Variants in CTNNA3 observed in about 807,000 individuals in gnomAD.
The protein encoded by CTNNA3 is catenin alpha 3, also known as catenin alpha-3.
Under a neutral mutation model 95.7 loss-of-function variants are expected in CTNNA3, and 76 were observed. The ratio of observed to expected loss-of-function variants is 0.79; its 90% CI spans 0.66 to 0.96. The LOEUF is 0.96. Ranked by LOEUF, CTNNA3 falls within the 40% of genes least tolerant of loss-of-function variation. The pLI, the probability that CTNNA3 is intolerant of heterozygous loss-of-function variation, is 0.00. For synonymous variants in CTNNA3, 431 were observed against 374.4 expected (o/e 1.15, Z -1.74); for missense variants, 1,191 against 1,089.8 (o/e 1.09, Z -1.31).
chr10:67,038,441 T>C (rs1001025219), intron 7 of CTNNA3, among the ~76,000 whole-genome samples: 1 of 152,068 alleles, frequency 6.6e-6, no homozygotes, highest in Non-Finnish European at 1.5e-5. Context: ...TGAAAATATA[T>C]GTCCATTAAT....
intron 13 of CTNNA3, among the ~76,000 whole-genome samples, chr10:66,243,198 C>T (rs139811964): frequency 4.3e-4 from 65 of 152,270 alleles, no homozygotes; most frequent in African/African-American, 1.5e-3. Flanking sequence ...ATACCAGGCC[C>T]TGTAAGAAAT....
At chr10:66,163,669 T>C (rs922394872) in intron 13 of CTNNA3, among the ~76,000 whole-genome samples, 1 of 152,190 alleles carries the variant, frequency 6.6e-6, no homozygotes, top group Non-Finnish European at 1.5e-5. Flanking sequence ...CTTCTGGGTT[T>C]CAGTTATATT....
At chr10:66,853,732 C>T (rs1843582544) in intron 7 of CTNNA3, among the ~76,000 whole-genome samples, 1 of 151,820 alleles carries the variant, frequency 6.6e-6, no homozygotes, top group African/African-American at 2.4e-5. Context: ...AAAATTCTGC[C>T]GAACCACCAA....
intron 12 of CTNNA3, among the ~76,000 whole-genome samples, chr10:66,294,095 AT>A: frequency 6.6e-6 from 1 of 152,328 alleles, no homozygotes; most frequent in South Asian, 2.1e-4. Flanking sequence ...GTTAACGAGA[AT>A]CTTTGGAATA....
intron 13 of CTNNA3, 130 bp downstream of exon 13, chr10:66,280,340 C>G: frequency 2.6e-6 from 2 of 782,628 alleles, no homozygotes; most frequent in Non-Finnish European, 4.0e-6. Flanking sequence ...TACATATGAA[C>G]TTCTAAAGTT....
At chr10:66,245,991 G>A (rs1228198732) in intron 13 of CTNNA3, among the ~76,000 whole-genome samples, 1 of 152,202 alleles carries the variant, frequency 6.6e-6, no homozygotes, top group African/African-American at 2.4e-5. Flanking sequence ...CCCAGAAAAG[G>A]CACCACAAGT....
intron 13 of CTNNA3, among the ~76,000 whole-genome samples, chr10:66,218,530 G>A (rs1487373488): frequency 6.6e-6 from 1 of 152,190 alleles, no homozygotes; most frequent in Non-Finnish European, 1.5e-5. Flanking sequence ...ACTTGAAAGT[G>A]AATCGTTCAG....
At chr10:67,515,137 AT>A (rs201365465) in intron 5 of CTNNA3, among the ~76,000 whole-genome samples, 450 of 152,368 alleles carry the variant, frequency 3.0e-3, no homozygotes, top group African/African-American at 1.0e-2. Flanking sequence ...CATTTTCATC[AT>A]TCATTTTAAA....
chr10:66,704,259 T>C (rs1038151685), intron 9 of CTNNA3, among the ~76,000 whole-genome samples: 1 of 152,170 alleles, frequency 6.6e-6, no homozygotes, highest in African/African-American at 2.4e-5. Context: ...TACTCTTCCA[T>C]AGAACATTTC....
chr10:66,176,465 C>A (rs2085719192), intron 13 of CTNNA3, among the ~76,000 whole-genome samples: 1 of 151,974 alleles, frequency 6.6e-6, no homozygotes, highest in South Asian at 2.1e-4. Context: ...GAGAATTGAA[C>A]AATGGAGAGA....
At chr10:66,979,242 A>C (rs1263812260) in intron 7 of CTNNA3, among the ~76,000 whole-genome samples, 1 of 152,094 alleles carries the variant, frequency 6.6e-6, no homozygotes, top group Non-Finnish European at 1.5e-5. Context: ...TGCTGGGATT[A>C]CAGGCATGAG....
chr10:67,550,584 C>A (rs1589414684), intron 3 of CTNNA3, among the ~76,000 whole-genome samples: 2 of 150,106 alleles, frequency 1.3e-5, no homozygotes, highest in South Asian at 2.1e-4. Flanking sequence ...TAAAGAAATT[C>A]TTTTTTTAAA....
chr10:66,360,808 C>CCTTTTCTTTCTTTCTTTCTTTCTTT (rs1491414686), intron 12 of CTNNA3, among the ~76,000 whole-genome samples: 3 of 61,808 alleles, frequency 4.9e-5, no homozygotes, highest in African/African-American at 1.9e-4. Context: ...TTCCTTCCTT[C>CCTTTTCTTTCTTTCTTTCTTTCTTT]CTTCCTTCCT....
chr10:66,486,423 G>A (rs879541557), intron 11 of CTNNA3, among the ~76,000 whole-genome samples: 1 of 152,054 alleles, frequency 6.6e-6, no homozygotes. Flanking sequence ...GAAGACAAAT[G>A]GCTAACAGAT....
intron 7 of CTNNA3, among the ~76,000 whole-genome samples, chr10:66,953,935 A>C (rs1214104501): frequency 6.6e-6 from 1 of 152,192 alleles, no homozygotes; most frequent in African/African-American, 2.4e-5. Context: ...GGATAATAAT[A>C]AAATCTATCT....
At chr10:66,615,536 ATT>A (rs575680856) in intron 10 of CTNNA3, among the ~76,000 whole-genome samples, 4 of 151,914 alleles carry the variant, frequency 2.6e-5, no homozygotes, top group African/African-American at 9.7e-5. Flanking sequence ...GTAAAAAAAT[ATT>A]TTTTATTGAT....
At chr10:66,024,722 G>A (rs1167074034) in intron 15 of CTNNA3, among the ~76,000 whole-genome samples, 1 of 152,196 alleles carries the variant, frequency 6.6e-6, no homozygotes, top group Non-Finnish European at 1.5e-5. Context: ...CAGACCTGGG[G>A]AACTAATTAA....
At position 66,789,335 on chromosome 10, in the gene CTNNA3, C is replaced by T. The variant is rs529456216; in HGVS notation, c.1048-13811G>A. 1.7e-3 allele frequency among the ~76,000 whole-genome samples: 258 copies of T among 151,986 alleles called. 1 individual carries two copies. The highest frequency in any genetic ancestry group is 5.5e-3 in the African/African-American group (226 of 41,454). Reference sequence around the variant, plus strand: ...GATTACAGGCATGCATCACCACGCCCGGCTAATTTTTGTATTTTTGTTAGA... The same window carrying T: ...GATTACAGGCATGCATCACCACGCCTGGCTAATTTTTGTATTTTTGTTAGA... On this transcript the variant is annotated intron_variant, in intron 7 of 17. Coordinates refer to ENST00000433211, the MANE Select transcript of CTNNA3 (RefSeq NM_013266.4).
chr10:67,730,057 A>T (rs759145258), intron 1 of CTNNA3, among the ~76,000 whole-genome samples: 6 of 152,142 alleles, frequency 3.9e-5, no homozygotes, highest in African/African-American at 7.2e-5. Context: ...TAATCCTAGA[A>T]AAGTATTTCA....
Sources: gnomAD v4.1 joint callset for allele counts (sites outside exome capture counted in the v4.1 genomes callset) on GRCh38, gnomAD v4.1.1 for gene constraint, MANE v1.5 for transcripts, NCBI Gene and HGNC (gene_info 2026-07-23, HGNC 2026-07-21) for gene names.